SLC12A8: variants seen among roughly 807,000 people sequenced by gnomAD.
SLC12A8 encodes solute carrier family 12 member 8.
A neutral mutation model predicts 75.6 loss-of-function variants in SLC12A8; 69 were observed. That is an observed-to-expected ratio of 0.91 (90% CI 0.75 to 1.11). The LOEUF is 1.11. Among genes scored for constraint, SLC12A8 ranks in the 50% most tolerant of loss-of-function variants. The pLI, the probability that SLC12A8 is intolerant of heterozygous loss-of-function variation, is 0.00. For missense variants in SLC12A8, 877 were observed against 896.7 expected (o/e 0.98, Z 0.28); for synonymous variants, 365 against 372.8 (o/e 0.98, Z 0.24).
intron 6 of SLC12A8, among the ~76,000 whole-genome samples, chr3:125,129,300 CT>C (rs1933295996): frequency 6.6e-6 from 1 of 152,192 alleles, no homozygotes; most frequent in Non-Finnish European, 1.5e-5. Flanking sequence ...GTGTGAAACC[CT>C]GGAGAGGAGA....
chr3:125,202,916 C>T (rs950274444), intron 2 of SLC12A8, among the ~76,000 whole-genome samples: 2 of 151,668 alleles, frequency 1.3e-5, no homozygotes, highest in African/African-American at 2.4e-5. Context: ...GGTGAAACCC[C>T]GTCTCTACTA....
At chr3:125,129,070 G>A in intron 6 of SLC12A8, among the ~76,000 whole-genome samples, 1 of 152,206 alleles carries the variant, frequency 6.6e-6, no homozygotes, top group East Asian at 1.9e-4. Flanking sequence ...AAGGCTGTAG[G>A]TTTCCTACCA....
chr3:125,145,268 C>A (rs1156851075), intron 5 of SLC12A8, among the ~76,000 whole-genome samples: 2 of 152,112 alleles, frequency 1.3e-5, no homozygotes, highest in African/African-American at 2.4e-5. Context: ...CCTGTTTTTT[C>A]CACTAGACTA....
chr3:125,135,680 G>A lies in SLC12A8; in HGVS notation c.725C>T (p.Pro242Leu). The A allele has an allele frequency of 6.3e-7, 1 of 1,599,622 alleles. No individual in the cohort carries two copies. Among genetic ancestry groups the A allele is most frequent in the Non-Finnish European group, 8.5e-7 (1 of 1,171,874 alleles). ...SFFTVFGVFF[P>L]AATGVMAGFN... ...CCAGATTACAATACCTGTAGCCGCT[G>A]GGAAGAAAACCCCAAAGACAGTGAA... is the stretch of plus-strand genomic sequence containing the variant. The change falls in exon 6 of 14, where the codon CCA becomes CTA. Residue 242 changes from proline to leucine, a missense_variant. Transcript: ENST00000469902.
At chr3:125,165,624 T>G (rs138568634) in intron 5 of SLC12A8, among the ~76,000 whole-genome samples, 2 of 152,184 alleles carry the variant, frequency 1.3e-5, no homozygotes, top group African/African-American at 4.8e-5. Flanking sequence ...CATGGGGGCA[T>G]GGAGGGCTCC....
intron 5 of SLC12A8, among the ~76,000 whole-genome samples, chr3:125,172,553 T>C (rs1934428822): frequency 6.6e-6 from 1 of 152,202 alleles, no homozygotes; most frequent in Non-Finnish European, 1.5e-5. Context: ...CACCAGAGAC[T>C]CTGATCCAGG....
chr3:125,184,423 T>C (rs1392282541), intron 4 of SLC12A8, among the ~76,000 whole-genome samples: 1 of 152,190 alleles, frequency 6.6e-6, no homozygotes, highest in Admixed American at 6.5e-5. Context: ...TACCCGTTTT[T>C]TGTAAGCCAT....
intron 1 of SLC12A8, among the ~76,000 whole-genome samples, chr3:125,211,854 G>A (rs935674234): frequency 3.9e-5 from 6 of 152,196 alleles, no homozygotes; most frequent in Admixed American, 6.5e-5. Flanking sequence ...GCCATGAGGA[G>A]GCTGTTTTGG....
At chr3:125,138,759 G>A (rs1933554759) in intron 5 of SLC12A8, among the ~76,000 whole-genome samples, 2 of 151,772 alleles carry the variant, frequency 1.3e-5, no homozygotes, top group Non-Finnish European at 2.9e-5. Flanking sequence ...TGCAATCCCA[G>A]CACTTTGGGA....
chr3:125,141,288 G>A (rs1446463164), intron 5 of SLC12A8, among the ~76,000 whole-genome samples: 2 of 152,210 alleles, frequency 1.3e-5, no homozygotes, highest in African/African-American at 2.4e-5. Context: ...CCCGGAATTC[G>A]GGTAATTCAG....
intron 5 of SLC12A8, among the ~76,000 whole-genome samples, chr3:125,146,968 T>C (rs1468494838): frequency 6.6e-6 from 1 of 152,170 alleles, no homozygotes; most frequent in Non-Finnish European, 1.5e-5. Flanking sequence ...CACTGTGTGC[T>C]CAGGGGTTTA....
At chr3:125,155,750 C>CAAA (rs1159877630) in intron 5 of SLC12A8, among the ~76,000 whole-genome samples, 6 of 69,414 alleles carry the variant, frequency 8.6e-5, no homozygotes, top group South Asian at 6.2e-4. Flanking sequence ...GACTCTGTCT[C>CAAA]AAAAAAAAAA....
chr3:125,133,424 G>T (rs1933410272), intron 6 of SLC12A8, among the ~76,000 whole-genome samples: 1 of 151,618 alleles, frequency 6.6e-6, no homozygotes, highest in Non-Finnish European at 1.5e-5. Context: ...TCAGGCTGGA[G>T]TATCATGGCG....
intron 5 of SLC12A8, among the ~76,000 whole-genome samples, chr3:125,150,565 A>G (rs765214684): frequency 2.0e-5 from 3 of 152,164 alleles, no homozygotes; most frequent in Non-Finnish European, 4.4e-5. Context: ...CTGTTTTTCT[A>G]ATGAGTTTCT....
chr3:125,173,650 A>G (rs1474100106), intron 5 of SLC12A8, among the ~76,000 whole-genome samples: 1 of 152,202 alleles, frequency 6.6e-6, no homozygotes, highest in African/African-American at 2.4e-5. Context: ...AACACTGATA[A>G]GATAGACTCC....
chr3:125,206,969 C>A (rs914592846), intron 2 of SLC12A8: 6 of 152,350 alleles, frequency 3.9e-5, no homozygotes, highest in Non-Finnish European at 7.3e-5. Context: ...CCAGGCCCTA[C>A]CTCCAACACT....
intron 5 of SLC12A8, among the ~76,000 whole-genome samples, chr3:125,150,031 A>T (rs1440878717): frequency 6.6e-6 from 1 of 152,230 alleles, no homozygotes; most frequent in Non-Finnish European, 1.5e-5. Context: ...ATCTGGCAGT[A>T]GTTCTGAACC....
chr3:125,116,383 A>C (rs1412793389), intron 8 of SLC12A8, among the ~76,000 whole-genome samples: 1 of 152,224 alleles, frequency 6.6e-6, no homozygotes, highest in African/African-American at 2.4e-5. Flanking sequence ...CAGTGTGTGC[A>C]TAATTACATT....
intron 2 of SLC12A8, among the ~76,000 whole-genome samples, chr3:125,200,277 G>A (rs1010794988): frequency 1.4e-4 from 21 of 152,018 alleles, no homozygotes; most frequent in Non-Finnish European, 2.4e-4. Context: ...GCGAAACCCC[G>A]TCTCTACTAA....
Sources: gnomAD v4.1 joint callset for allele counts (sites outside exome capture counted in the v4.1 genomes callset) on GRCh38, gnomAD v4.1.1 for gene constraint, MANE v1.5 for transcripts, NCBI Gene and HGNC (gene_info 2026-07-23, HGNC 2026-07-21) for gene names.